Variants in ATG7 observed in about 807,000 individuals in gnomAD.
ATG7 encodes the protein autophagy related 7, also known as ubiquitin-like modifier-activating enzyme ATG7.
A neutral mutation model predicts 82.4 loss-of-function variants in ATG7; 70 were observed. That is an observed-to-expected ratio of 0.85 (90% CI 0.70 to 1.04). ATG7 has a LOEUF of 1.04. ATG7 is among the 50% of genes least tolerant of loss of function. The pLI is 0.00. For missense variants in ATG7, 792 were observed against 864.3 expected (o/e 0.92, Z 1.05); for synonymous variants, 287 against 313.0 (o/e 0.92, Z 0.88).
intron 20 of ATG7, among the ~76,000 whole-genome samples, chr3:11,454,875 G>A (rs1413506776): frequency 6.6e-6 from 1 of 152,162 alleles, no homozygotes; most frequent in Non-Finnish European, 1.5e-5. Context: ...CATCATTACA[G>A]AAAGGTCTAT....
chr3:11,569,013 C>T, the ATG7 span: 6 of 951,280 alleles, frequency 6.3e-6, no homozygotes, highest in Admixed American at 1.5e-4. Flanking sequence ...ACAGAGCTTT[C>T]TGAGTACTGA....
chr3:11,552,874 C>T (rs2071944847), intron 20 of ATG7, among the ~76,000 whole-genome samples: 2 of 152,166 alleles, frequency 1.3e-5, no homozygotes, highest in Admixed American at 6.5e-5. Context: ...TTCCCCATAG[C>T]TAAAAACCCA....
chr3:11,306,143 A>G (rs1039739434), intron 5 of ATG7, among the ~76,000 whole-genome samples: 50 of 152,326 alleles, frequency 3.3e-4, no homozygotes, highest in African/African-American at 1.2e-3. Flanking sequence ...GGGGCAATGT[A>G]GAGTGTGTAA....
At chr3:11,342,318 G>T in intron 13 of ATG7, 39 bp downstream of exon 13, 1 of 1,581,252 alleles carries the variant, frequency 6.3e-7, no homozygotes, top group East Asian at 2.3e-5. Context: ...CACCTTTGAA[G>T]TTGTAGCTTC....
intron 20 of ATG7, among the ~76,000 whole-genome samples, chr3:11,481,267 T>G (rs1427012108): frequency 6.6e-6 from 1 of 152,238 alleles, no homozygotes; most frequent in African/African-American, 2.4e-5. Flanking sequence ...ACAGTGTGAA[T>G]GCACTTAACG....
chr3:11,441,743 T>C (rs1181676335), intron 20 of ATG7, among the ~76,000 whole-genome samples: 1 of 150,504 alleles, frequency 6.6e-6, no homozygotes. Flanking sequence ...CTCAGCTCAC[T>C]GCAACCTCTG....
intron 19 of ATG7, among the ~76,000 whole-genome samples, chr3:11,393,632 C>T (rs756424133): frequency 4.0e-5 from 6 of 151,854 alleles, no homozygotes; most frequent in Non-Finnish European, 8.8e-5. Flanking sequence ...ATGAATGGCT[C>T]ACCATGGGGC....
intron 19 of ATG7, among the ~76,000 whole-genome samples, chr3:11,406,735 CAG>C (rs1294682951): frequency 1.2e-4 from 19 of 152,290 alleles, no homozygotes; most frequent in African/African-American, 1.9e-4. Context: ...AGCAGGAAAA[CAG>C]AGCTTGTGCA....
chr3:11,558,679 G>A, downstream of ATG7: 1 of 1,613,724 alleles, frequency 6.2e-7, no homozygotes, highest in Non-Finnish European at 8.5e-7. Context: ...CTTTGATCTG[G>A]AGCCACGTGT....
rs1025581198 is a variant in ATG7 at position 11,393,077 on chromosome 3, G to T, written c.1956+13025G>T. On this transcript the variant is annotated intron_variant, in intron 19 of 20. Coordinates refer to ENST00000693202, the MANE Select transcript of ATG7 (RefSeq NM_001349232.2). ...ACATCTAAACTTTTCATTGGCGCAG[G>T]TGATGGAATCCTCTGTTAAGTGTCC... Among the ~76,000 whole-genome samples, 5 of 152,298 alleles carry T rather than the reference G, an allele frequency of 3.3e-5. 1 individual carries two copies. In the South Asian group the frequency reaches 6.2e-4, roughly 19 times the overall value.
intron 19 of ATG7, among the ~76,000 whole-genome samples, chr3:11,425,764 A>G (rs1162148022): frequency 6.6e-6 from 1 of 152,200 alleles, no homozygotes. Flanking sequence ...CAATGCTTAG[A>G]TAAATAAATT....
At chr3:11,375,871 A>G (rs1235211798) in intron 18 of ATG7, among the ~76,000 whole-genome samples, 3 of 152,156 alleles carry the variant, frequency 2.0e-5, no homozygotes, top group Non-Finnish European at 4.4e-5. Flanking sequence ...TTTTAATATG[A>G]TGTGGTCACT....
chr3:11,511,177 G>C (rs532036200), intron 20 of ATG7, among the ~76,000 whole-genome samples: 1 of 152,294 alleles, frequency 6.6e-6, no homozygotes, highest in South Asian at 2.1e-4. Context: ...AAGGGGACCT[G>C]AGCGGGTTGC....
At chr3:11,430,394 A>G (rs536765167) in intron 20 of ATG7, among the ~76,000 whole-genome samples, 20 of 152,308 alleles carry the variant, frequency 1.3e-4, no homozygotes, top group African/African-American at 4.3e-4. Context: ...TTGATTCTCA[A>G]TGCGTTTACA....
chr3:11,387,858 T>C (rs953150387), intron 19 of ATG7, among the ~76,000 whole-genome samples: 1 of 152,092 alleles, frequency 6.6e-6, no homozygotes, highest in African/African-American at 2.4e-5. Flanking sequence ...TAGTCCCAGC[T>C]ACTCAGGAGG....
intron 20 of ATG7, among the ~76,000 whole-genome samples, chr3:11,511,845 A>G (rs904200695): frequency 6.6e-6 from 1 of 152,188 alleles, no homozygotes; most frequent in Non-Finnish European, 1.5e-5. Context: ...CCAGGTGCTA[A>G]GTCCCCCACT....
At chr3:11,358,307 G>T in intron 14 of ATG7, 111 bp from the exon 15 acceptor site, 1 of 1,033,806 alleles carries the variant, frequency 9.7e-7, no homozygotes, top group Non-Finnish European at 1.4e-6. Flanking sequence ...TGCACAGGGA[G>T]CTCTCATGTA....
chr3:11,552,717 C>T (rs947818701), intron 20 of ATG7, among the ~76,000 whole-genome samples: 1 of 152,190 alleles, frequency 6.6e-6, no homozygotes, highest in Non-Finnish European at 1.5e-5. Context: ...CTGGGTGTCT[C>T]GCAGGATCCC....
chr3:11,511,517 G>A (rs1559779595), intron 20 of ATG7, among the ~76,000 whole-genome samples: 1 of 152,322 alleles, frequency 6.6e-6, no homozygotes, highest in South Asian at 2.1e-4. Context: ...CCAGACTCAG[G>A]AGCCCAGCTG....
Sources: allele counts gnomAD v4.1 joint callset (sites outside exome capture counted in the v4.1 genomes callset), GRCh38; gene constraint gnomAD v4.1.1; transcripts MANE v1.5; gene names NCBI Gene and HGNC (gene_info 2026-07-23, HGNC 2026-07-21).